NDUFAF6: variants seen among roughly 807,000 people sequenced by gnomAD.
The protein encoded by NDUFAF6 is NADH:ubiquinone oxidoreductase complex assembly factor 6.
In NDUFAF6, 45 loss-of-function variants were observed where a neutral mutation model predicts 40.8. That is an observed-to-expected ratio of 1.10 (90% CI 0.87 to 1.42). NDUFAF6 has a LOEUF of 1.42. Among genes scored for constraint, NDUFAF6 ranks in the 40% most tolerant of loss-of-function variants. The pLI is 0.00. For missense variants in NDUFAF6, 435 were observed against 418.5 expected (o/e 1.04, Z -0.34); for synonymous variants, 185 against 155.9 (o/e 1.19, Z -1.39).
intron 4 of NDUFAF6, among the ~76,000 whole-genome samples, chr8:95,109,606 AGAGAGAG>A (rs1356513666): frequency 3.2e-5 from 3 of 92,732 alleles, no homozygotes; most frequent in African/African-American, 1.6e-4. Context: ...AGAGAGAGAG[AGAGAGAG>A]AGAGAGACCT....
chr8:94,981,243 T>C (rs1825418703), intron 2 of NDUFAF6, among the ~76,000 whole-genome samples: 1 of 152,196 alleles, frequency 6.6e-6, no homozygotes, highest in Non-Finnish European at 1.5e-5. Context: ...AAGGCTGCCT[T>C]TTGCGTTTGG....
chr8:95,042,456 A>G (rs965614171), intron 4 of NDUFAF6, among the ~76,000 whole-genome samples: 2 of 152,220 alleles, frequency 1.3e-5, no homozygotes, highest in African/African-American at 4.8e-5. Flanking sequence ...TCTGTTTTAC[A>G]AGGTAAAGAA....
At chr8:94,940,966 G>A in intron 1 of NDUFAF6, 1 of 1,571,002 alleles carries the variant, frequency 6.4e-7, no homozygotes, top group Non-Finnish European at 8.7e-7. Flanking sequence ...TGAGAGTTTG[G>A]CTGGATGTCT....
chr8:95,050,324 C>T (rs903719422), intron 7 of NDUFAF6, among the ~76,000 whole-genome samples: 6 of 152,058 alleles, frequency 3.9e-5, no homozygotes, highest in African/African-American at 9.7e-5. Context: ...ATGGGTTATG[C>T]GAAACATGGT....
exon 10 of NDUFAF6, chr8:95,075,748 T>C: frequency 7.9e-7 from 1 of 1,269,116 alleles, no homozygotes; most frequent in Non-Finnish European, 1.0e-6. Context: ...TGCGCACTTC[T>C]CCAGGTACTT....
chr8:95,054,196 C>T (rs1831811096), intron 8 of NDUFAF6, among the ~76,000 whole-genome samples: 1 of 152,060 alleles, frequency 6.6e-6, no homozygotes, highest in South Asian at 2.1e-4. Context: ...ATCCTCCAGC[C>T]TTGGCCTCTC....
rs1173779812 is a variant in NDUFAF6, at chr8:95,046,993, G to A, written c.581-1G>A. On this transcript the variant is annotated splice_acceptor_variant, in intron 5 of 8. Coordinates refer to ENST00000396124, the MANE Select transcript of NDUFAF6 (RefSeq NM_152416.4). LOFTEE classifies it high-confidence loss of function. ...GCCCTGTGTAATTTCTGAAATCATA[G>A]GTATAAAGGATCTTCATGCAGATCA... 2 of 1,614,022 alleles carry A rather than the reference G, an allele frequency of 1.2e-6. No individual in the cohort carries two copies. The highest frequency in any genetic ancestry group is 1.7e-6 in the Non-Finnish European group (2 of 1,180,010).
chr8:95,092,499 A>G (rs1809288934), intron 2 of NDUFAF6, among the ~76,000 whole-genome samples: 2 of 149,784 alleles, frequency 1.3e-5, no homozygotes, highest in Admixed American at 1.3e-4. Flanking sequence ...ACATAATTTG[A>G]TTCCACACTA....
At chr8:95,089,870 A>G (rs1462392126) in intron 2 of NDUFAF6, among the ~76,000 whole-genome samples, 1 of 152,204 alleles carries the variant, frequency 6.6e-6, no homozygotes, top group Non-Finnish European at 1.5e-5. Flanking sequence ...TTAACGTCAC[A>G]ACAGTGGGGC....
At chr8:95,089,302 A>G (rs1054832465) in intron 2 of NDUFAF6, among the ~76,000 whole-genome samples, 9 of 151,924 alleles carry the variant, frequency 5.9e-5, no homozygotes, top group African/African-American at 1.7e-4. Flanking sequence ...TCATGCCTGC[A>G]TGAACTCATG....
chr8:94,993,135 T>C (rs1476011269), intron 2 of NDUFAF6, among the ~76,000 whole-genome samples: 2 of 152,200 alleles, frequency 1.3e-5, no homozygotes, highest in Non-Finnish European at 2.9e-5. Context: ...GGCCATCCTC[T>C]CCTTTGTCTT....
At chr8:94,967,667 G>A (rs938088470) in intron 1 of NDUFAF6, among the ~76,000 whole-genome samples, 7 of 151,954 alleles carry the variant, frequency 4.6e-5, no homozygotes, top group South Asian at 2.1e-4. Context: ...CACCACGGGC[G>A]CGGTGGCTCA....
chr8:94,980,548 A>G lies in NDUFAF6; in HGVS notation c.-198-311A>G, dbSNP rs919375367. Among the ~76,000 whole-genome samples, 4 of 142,348 alleles carry G rather than the reference A, an allele frequency of 2.8e-5. No homozygotes were observed. The East Asian group carries it at 8.3e-4, about 29-fold the overall frequency. The allele number at this position is 142,348 out of a possible 152,430, so 93.4% of individuals were successfully genotyped here. On this transcript the variant is annotated intron_variant, in intron 1 of 9. Transcript: ENST00000396111. ...AACCTCCACTTCCTGGCTCCAAGCA[A>G]TTCTCCAGCCTCAGCCTCCTGAATA...
At position 94,905,880 on chromosome 8, in the gene NDUFAF6, G is replaced by C. The variant is rs78140437; in HGVS notation, c.-936+9953G>C. Among the ~76,000 whole-genome samples the C allele has an allele frequency of 2.6e-3, 397 of 152,272 alleles. 3 individuals are homozygous for C. Among genetic ancestry groups the C allele is most frequent in the African/African-American group, 9.2e-3 (382 of 41,550 alleles). The stretch of plus-strand genomic sequence containing the variant: ...CGTTGTAGATTACTGTGCTGGTTTG[G>C]GGGTGACGCCACACACAATGTGAAA... On this transcript the variant is annotated intron_variant, in intron 1 of 14. Coordinates refer to the NDUFAF6 transcript ENST00000396113.
downstream of NDUFAF6, chr8:95,078,662 A>AAATATATATATATAT (rs545018367): frequency 7.4e-5 from 9 of 121,052 alleles, no homozygotes; most frequent in African/African-American, 2.0e-4. Context: ...AAAAAAAAAA[A>AAATATATATATATAT]ATATATATAT....
chr8:95,043,201 C>T (rs1830338280), intron 4 of NDUFAF6, among the ~76,000 whole-genome samples: 1 of 151,508 alleles, frequency 6.6e-6, no homozygotes, highest in Non-Finnish European at 1.5e-5. Flanking sequence ...TCCCCTGCCT[C>T]AGCCTCCTGA....
intron 1 of NDUFAF6, among the ~76,000 whole-genome samples, chr8:94,905,536 G>A (rs951009666): frequency 6.6e-6 from 1 of 152,078 alleles, no homozygotes; most frequent in Non-Finnish European, 1.5e-5. Flanking sequence ...ACTTGGGTGG[G>A]TTTCAACAAG....
downstream of NDUFAF6, among the ~76,000 whole-genome samples, chr8:95,061,640 C>G (rs1417617331): frequency 1.3e-5 from 2 of 152,088 alleles, no homozygotes; most frequent in African/African-American, 2.4e-5. Flanking sequence ...GAGAAAGATG[C>G]TTGTAGAATG....
chr8:95,019,401 C>A (rs1563792258), intron 2 of NDUFAF6, among the ~76,000 whole-genome samples: 2 of 152,242 alleles, frequency 1.3e-5, no homozygotes, highest in Non-Finnish European at 2.9e-5. Context: ...AGACAACCCA[C>A]CATACCCATG....
Sources: allele counts gnomAD v4.1 joint callset (sites outside exome capture counted in the v4.1 genomes callset), GRCh38; gene constraint gnomAD v4.1.1; transcripts MANE v1.5; gene names NCBI Gene and HGNC (gene_info 2026-07-23, HGNC 2026-07-21).